The following CYP2J2 variants were observed in gnomAD, a reference collection of about 807,000 sequenced individuals.
CYP2J2 encodes cytochrome P450 family 2 subfamily J member 2.
Under a neutral mutation model 48.8 loss-of-function variants are expected in CYP2J2, and 41 were observed. The ratio of observed to expected loss-of-function variants is 0.84; its 90% CI spans 0.66 to 1.09. The LOEUF is 1.09. CYP2J2 is among the 50% of genes least tolerant of loss of function. The probability of loss-of-function intolerance (pLI) is 0.00; values close to 1 mark genes in which losing one functional copy is unlikely to be tolerated. For missense variants in CYP2J2, 644 were observed against 617.3 expected (o/e 1.04, Z -0.46); for synonymous variants, 221 against 227.1 (o/e 0.97, Z 0.24).
intron 8 of CYP2J2, 126 bp downstream of exon 8, chr1:59,900,839 T>TG: frequency 1.9e-6 from 2 of 1,075,400 alleles, no homozygotes; most frequent in South Asian, 1.6e-5. Flanking sequence ...TACAGCAAGA[T>TG]GGAGTGAGTC....
At chr1:59,949,619 G>A in the CYP2J2 span, among the ~76,000 whole-genome samples, 2 of 151,456 alleles carry the variant, frequency 1.3e-5, no homozygotes, top group Non-Finnish European at 2.9e-5. Context: ...ATTCCATCAT[G>A]AGTAAACCCC....
At chr1:59,967,230 T>C in the CYP2J2 span, among the ~76,000 whole-genome samples, 4 of 152,284 alleles carry the variant, frequency 2.6e-5, no homozygotes, top group South Asian at 2.1e-4. Context: ...CTCCAGGCCA[T>C]GTAATCACAA....
chr1:59,938,922 T>G, the CYP2J2 span, among the ~76,000 whole-genome samples: 1 of 152,248 alleles, frequency 6.6e-6, no homozygotes, highest in Non-Finnish European at 1.5e-5. Context: ...CCAAGCATAC[T>G]GCTTGTAAAC....
chr1:59,897,547 C>T (rs1322678475), intron 8 of CYP2J2, among the ~76,000 whole-genome samples: 2 of 152,142 alleles, frequency 1.3e-5, no homozygotes, highest in Admixed American at 6.6e-5. Context: ...CTGGTGCTTC[C>T]ACAAACTGAC....
intron 5 of CYP2J2, among the ~76,000 whole-genome samples, chr1:59,908,795 G>GT (rs1644386205): frequency 6.6e-6 from 1 of 152,182 alleles, no homozygotes; most frequent in Admixed American, 6.6e-5. Context: ...GGGTAACTGT[G>GT]TTAAAGGTCA....
At chr1:59,895,727 G>A (rs1375719801) in intron 8 of CYP2J2, among the ~76,000 whole-genome samples, 4 of 152,088 alleles carry the variant, frequency 2.6e-5, no homozygotes, top group African/African-American at 9.7e-5. Context: ...GTATACATGT[G>A]CCATGCTGGT....
At chr1:59,918,620 C>A (rs1397223182) in intron 1 of CYP2J2, among the ~76,000 whole-genome samples, 9 of 150,888 alleles carry the variant, frequency 6.0e-5, no homozygotes, top group African/African-American at 2.0e-4. Context: ...TCTGAGAAGA[C>A]TTTGTAAGGC....
the CYP2J2 span, among the ~76,000 whole-genome samples, chr1:59,935,001 T>C: frequency 4.3e-5 from 2 of 46,196 alleles, no homozygotes; most frequent in East Asian, 4.8e-4. Context: ...TATATATATA[T>C]ATATATATAT....
At chr1:59,914,278 G>A (rs1042034932) in intron 2 of CYP2J2, among the ~76,000 whole-genome samples, 2 of 152,056 alleles carry the variant, frequency 1.3e-5, no homozygotes, top group South Asian at 4.1e-4. Flanking sequence ...TGCTTCACAA[G>A]GCAGATAATA....
chr1:59,926,869 T>C (rs982554000), upstream of CYP2J2: 116 of 851,942 alleles, frequency 1.4e-4, no homozygotes, highest in East Asian at 3.1e-3. Context: ...CGCAGCACCC[T>C]GCGAAGATGC....
chr1:59,951,146 T>C, the CYP2J2 span, among the ~76,000 whole-genome samples: 1 of 152,214 alleles, frequency 6.6e-6, no homozygotes, highest in Admixed American at 6.5e-5. Context: ...TAGAAATGGT[T>C]AAGTTACTTG....
upstream of CYP2J2, among the ~76,000 whole-genome samples, chr1:59,927,004 C>A (rs1042424490): frequency 6.6e-6 from 1 of 152,244 alleles, no homozygotes; most frequent in Non-Finnish European, 1.5e-5. Flanking sequence ...AGCCTCTGTT[C>A]GGTTCAATCA....
At chr1:59,898,181 T>C (rs1644286082) in intron 8 of CYP2J2, among the ~76,000 whole-genome samples, 1 of 152,206 alleles carries the variant, frequency 6.6e-6, no homozygotes, top group Non-Finnish European at 1.5e-5. Context: ...TCAAAAATTG[T>C]AGTAATATCC....
At chr1:59,968,678 G>A in the CYP2J2 span, among the ~76,000 whole-genome samples, 1 of 152,222 alleles carries the variant, frequency 6.6e-6, no homozygotes, top group Non-Finnish European at 1.5e-5. Flanking sequence ...TGTGGGAGGG[G>A]TGGACATGTG....
chr1:59,927,722 G>A (rs1644579911), upstream of CYP2J2, among the ~76,000 whole-genome samples: 1 of 152,110 alleles, frequency 6.6e-6, no homozygotes. Context: ...ACAGGCACAT[G>A]CCACCATGCC....
the CYP2J2 span, among the ~76,000 whole-genome samples, chr1:59,953,561 C>T: frequency 1.3e-5 from 2 of 151,656 alleles, no homozygotes; most frequent in Non-Finnish European, 2.9e-5. Context: ...TTACACTTTT[C>T]CTGCATGCTT....
chr1:59,913,725 A>G (rs1644439434), intron 2 of CYP2J2, among the ~76,000 whole-genome samples: 1 of 152,178 alleles, frequency 6.6e-6, no homozygotes. Flanking sequence ...CTGAGCTACC[A>G]CTGTCTGTAA....
At chr1:59,938,311 C>T in the CYP2J2 span, among the ~76,000 whole-genome samples, 12 of 152,298 alleles carry the variant, frequency 7.9e-5, no homozygotes, top group East Asian at 1.2e-3. Context: ...GCACTGGCAC[C>T]GGTCTCTGAG....
the CYP2J2 span, among the ~76,000 whole-genome samples, chr1:59,965,175 T>C: frequency 1.3e-5 from 2 of 152,196 alleles, no homozygotes; most frequent in Non-Finnish European, 2.9e-5. Context: ...TGGTGGAGAA[T>C]TAGGAGTTCA....
Sources: gnomAD v4.1 joint callset for allele counts (sites outside exome capture counted in the v4.1 genomes callset) on GRCh38, gnomAD v4.1.1 for gene constraint, MANE v1.5 for transcripts, NCBI Gene and HGNC (gene_info 2026-07-23, HGNC 2026-07-21) for gene names.